RALGPS1: variants seen among roughly 807,000 people sequenced by gnomAD.
RALGPS1 encodes the protein ras-specific guanine nucleotide-releasing factor RalGPS1.
RALGPS1 carries 19 observed loss-of-function variants against 78.8 expected under a neutral mutation model. The observed-to-expected ratio is 0.24, with a 90% CI of 0.17 to 0.35. The LOEUF (loss-of-function observed/expected upper bound fraction) is 0.35, where lower values mean the gene tolerates loss of function less well. Ranked by LOEUF, RALGPS1 falls within the 10% of genes least tolerant of loss-of-function variation. The pLI is 1.00. For synonymous variants in RALGPS1, 228 were observed against 256.3 expected (o/e 0.89, Z 1.06); for missense variants, 454 against 688.3 (o/e 0.66, Z 3.81).
chr9:127,096,834 A>G (rs1412109058), intron 8 of RALGPS1, among the ~76,000 whole-genome samples: 1 of 152,208 alleles, frequency 6.6e-6, no homozygotes, highest in East Asian at 1.9e-4. Context: ...AATAATAGCC[A>G]GTGTGTACTG....
chr9:126,918,455 G>GC (rs2034405736), intron 1 of RALGPS1, among the ~76,000 whole-genome samples: 1 of 152,032 alleles, frequency 6.6e-6, no homozygotes, highest in Non-Finnish European at 1.5e-5. Context: ...TCCCACCGTA[G>GC]CCTCCCAAGT....
At chr9:127,117,884 C>G (rs1345478156) in intron 8 of RALGPS1, among the ~76,000 whole-genome samples, 1 of 152,164 alleles carries the variant, frequency 6.6e-6, no homozygotes, top group African/African-American at 2.4e-5. Flanking sequence ...AAGATAAGAA[C>G]AGAGTCCATT....
chr9:126,930,994 A>G (rs1297866745), intron 1 of RALGPS1, among the ~76,000 whole-genome samples: 2 of 152,240 alleles, frequency 1.3e-5, no homozygotes, highest in Non-Finnish European at 2.9e-5. Flanking sequence ...AGACATAAAC[A>G]AGGTAGAAGT....
chr9:126,966,556 A>G (rs562252365), intron 3 of RALGPS1, among the ~76,000 whole-genome samples: 1 of 151,250 alleles, frequency 6.6e-6, no homozygotes, highest in South Asian at 2.1e-4. Context: ...TGTACAACAC[A>G]CATATGACAT....
chr9:127,058,607 G>A (rs2048943428), intron 7 of RALGPS1, among the ~76,000 whole-genome samples: 1 of 152,146 alleles, frequency 6.6e-6, no homozygotes, highest in Admixed American at 6.5e-5. Context: ...CCTAGGTTTT[G>A]GGCCTGAGCA....
intron 4 of RALGPS1, among the ~76,000 whole-genome samples, chr9:127,020,290 C>G (rs1033738670): frequency 6.6e-6 from 1 of 152,094 alleles, no homozygotes; most frequent in African/African-American, 2.4e-5. Context: ...GAAGGCAGTG[C>G]GAAGATTAGG....
intron 5 of RALGPS1, among the ~76,000 whole-genome samples, chr9:127,043,256 C>T (rs148895597): frequency 2.0e-5 from 3 of 152,230 alleles, no homozygotes; most frequent in East Asian, 1.9e-4. Context: ...ATGGTATTGG[C>T]GAAAGAATTG....
Position 126,965,073 on chromosome 9 carries a change from G to A in RALGPS1, c.58-771G>A, listed in dbSNP as rs560673480. The stretch of plus-strand genomic sequence containing the variant: ...TATTCAACATTCTGGGATCCCCACA[G>A]TGTTGAGATTCGTGAAATCAGCCAC... On this transcript the variant is annotated intron_variant, in intron 2 of 18. Transcript: ENST00000259351. 7.2e-5 allele frequency among the ~76,000 whole-genome samples: 11 copies of A among 152,322 alleles called. No individual in the cohort carries two copies. In the South Asian group the frequency reaches 2.3e-3, roughly 32 times the overall value.
rs1326509876 is a variant in RALGPS1, at chr9:127,217,291, A to G, written c.1645-1449A>G. On this transcript the variant is annotated intron_variant, in intron 18 of 18. Transcript: ENST00000259351. ...TTTTATTTCTAATTTACTTTCAACC[A>G]AATATTCCCACTATGTGCTATATGT... The G allele has an allele frequency of 3.6e-6, 4 of 1,114,818 alleles. No homozygotes were observed. The African/African-American group carries it at 4.9e-5, about 14-fold the overall frequency. The allele number at this position is 1,114,818 out of a possible 1,614,324, so 69.1% of individuals were successfully genotyped here.
At chr9:127,117,771 A>G (rs2055587867) in intron 8 of RALGPS1, among the ~76,000 whole-genome samples, 1 of 152,256 alleles carries the variant, frequency 6.6e-6, no homozygotes, top group Admixed American at 6.5e-5. Context: ...TTCGGCAGTA[A>G]CTGAGACAGA....
intron 5 of RALGPS1, among the ~76,000 whole-genome samples, chr9:127,047,473 T>A (rs908860007): frequency 6.6e-6 from 1 of 152,100 alleles, no homozygotes; most frequent in Non-Finnish European, 1.5e-5. Context: ...CCGAGGCAGG[T>A]GGATCACCTG....
At chr9:126,994,405 C>T (rs62580789) in intron 4 of RALGPS1, among the ~76,000 whole-genome samples, 4,187 of 152,084 alleles carry the variant, frequency 0.028, 51 homozygotes, top group Middle Eastern at 0.048. Context: ...GTAGCCGATG[C>T]GATCAACTGG....
At chr9:127,085,677 A>T (rs2051641839) in intron 8 of RALGPS1, among the ~76,000 whole-genome samples, 1 of 152,106 alleles carries the variant, frequency 6.6e-6, no homozygotes, top group South Asian at 2.1e-4. Context: ...TTTCATTTGA[A>T]TCCTAACTAG....
intron 7 of RALGPS1, among the ~76,000 whole-genome samples, chr9:127,055,040 A>AGAGAGAGAGAGAGAG (rs1589236060): frequency 6.8e-6 from 1 of 146,756 alleles, no homozygotes. Flanking sequence ...AGAGAGAGAG[A>AGAGAGAGAGAGAGAG]AGAAATCTCC....
chr9:127,170,885 C>T (rs939152084), intron 10 of RALGPS1, among the ~76,000 whole-genome samples: 29 of 152,174 alleles, frequency 1.9e-4, no homozygotes, highest in African/African-American at 7.0e-4. Context: ...GCCCTCAGAC[C>T]ATCTAGGGAG....
rs539651302 is a variant in RALGPS1 at position 127,147,200 on chromosome 9, C to T, written c.611-18869C>T. 3.9e-5 allele frequency among the ~76,000 whole-genome samples: 6 copies of T among 152,242 alleles called. No individual in the cohort carries two copies. In the East Asian group the frequency reaches 1.2e-3, roughly 29 times the overall value. On this transcript the variant is annotated intron_variant, in intron 8 of 18. Transcript: ENST00000259351. ...TCTTTTGAGAAGTGTCTGTTCATGT[C>T]TTTTGCCCATTTTTTAATGGGGTTA...
chr9:127,160,525 A>T (rs998156651), intron 8 of RALGPS1, among the ~76,000 whole-genome samples: 26 of 152,204 alleles, frequency 1.7e-4, no homozygotes, highest in Admixed American at 3.9e-4. Flanking sequence ...AGGAGGGAGC[A>T]GAGCCCAAGC....
intron 8 of RALGPS1, among the ~76,000 whole-genome samples, chr9:127,154,572 A>T (rs551926357): frequency 1.3e-5 from 2 of 152,356 alleles, no homozygotes; most frequent in East Asian, 3.9e-4. Context: ...ATCAGTTTCG[A>T]TCTAGCTAAC....
chr9:126,916,970 G>A (rs891332901), intron 1 of RALGPS1, among the ~76,000 whole-genome samples: 2 of 152,196 alleles, frequency 1.3e-5, no homozygotes, highest in African/African-American at 4.8e-5. Flanking sequence ...TAGTTGACCA[G>A]TCCAAACTGT....
Sources: gnomAD v4.1 joint callset for allele counts (sites outside exome capture counted in the v4.1 genomes callset) on GRCh38, gnomAD v4.1.1 for gene constraint, MANE v1.5 for transcripts, NCBI Gene and HGNC (gene_info 2026-07-23, HGNC 2026-07-21) for gene names.